Variants in KCNK5 observed in about 807,000 individuals in gnomAD.
KCNK5 encodes the protein potassium channel subfamily K member 5.
A neutral mutation model predicts 32.9 loss-of-function variants in KCNK5; 18 were observed. The observed-to-expected ratio is 0.55, with a 90% CI of 0.38 to 0.81. The LOEUF (loss-of-function observed/expected upper bound fraction) is 0.81. Ranked by LOEUF, KCNK5 falls within the 30% of genes least tolerant of loss-of-function variation. The pLI, the probability that KCNK5 is intolerant of heterozygous loss-of-function variation, is 0.00. For synonymous variants in KCNK5, 276 were observed against 275.3 expected (o/e 1.00, Z -0.03); for missense variants, 507 against 651.0 (o/e 0.78, Z 2.41).
At chr6:39,202,430 C>T (rs569961679) in intron 1 of KCNK5, among the ~76,000 whole-genome samples, 2 of 152,146 alleles carry the variant, frequency 1.3e-5, no homozygotes, top group South Asian at 4.2e-4. Context: ...GTGGGGATCA[C>T]CAGGTTGAGA....
chr6:39,205,031 G>C (rs1420513390), intron 1 of KCNK5, among the ~76,000 whole-genome samples: 1 of 152,244 alleles, frequency 6.6e-6, no homozygotes, highest in Non-Finnish European at 1.5e-5. Flanking sequence ...TCTCAGGCTG[G>C]GACGGTAATC....
rs200810816 is a variant in KCNK5, at chr6:39,194,732, G to T, written c.327C>A (p.Pro109=). Residue 109 remains proline (P), a synonymous_variant, in exon 3 of 5, where the codon CCC becomes CCA. Transcript: ENST00000359534. This position sits in a 1 kb window ranked among gnomAD's most constrained non-coding sequence, Gnocchi z 4.7. ...IGYGNVAPKT[P]AGRLFCVFYG... is the part of the protein sequence containing the mutation. ...AGAAAACACAGAAGAGGCGACCGGCGGGGGTCTTGGGAGCCACATTGCCAT... is the reference window on the plus strand; with the variant it reads ...AGAAAACACAGAAGAGGCGACCGGCTGGGGTCTTGGGAGCCACATTGCCAT... 6.2e-7 allele frequency: 1 copy of T among 1,614,054 alleles called. No individual in the cohort carries two copies. Among genetic ancestry groups the T allele is most frequent in the Non-Finnish European group, 8.5e-7 (1 of 1,179,996 alleles).
chr6:39,226,600 AAC>A (rs1771675354), intron 1 of KCNK5, among the ~76,000 whole-genome samples: 1 of 152,112 alleles, frequency 6.6e-6, no homozygotes, highest in Non-Finnish European at 1.5e-5. Context: ...AACCAGCTAA[AAC>A]ACAGAGCGTC....
intron 4 of KCNK5, among the ~76,000 whole-genome samples, chr6:39,192,816 C>T (rs966747967): frequency 1.3e-5 from 2 of 152,130 alleles, no homozygotes; most frequent in African/African-American, 2.4e-5. Context: ...GCATGTTGAC[C>T]TGTATTCCAT....
At chr6:39,213,369 T>G (rs1771374450) in intron 1 of KCNK5, among the ~76,000 whole-genome samples, 1 of 152,240 alleles carries the variant, frequency 6.6e-6, no homozygotes, top group African/African-American at 2.4e-5. Context: ...CTTCTGTTTT[T>G]AAATTGAGTT....
Position 39,194,218 on chromosome 6 carries a change from G to C in KCNK5, c.585C>G (p.Tyr195Ter). ...TEGWNYIEGL[Y>*]YSFITISTIG... ...TGGTGGAGATGGTGATGAAGGAGTA[G>C]TAGAGGCCCTCGATGTAGTTCCACC... The change falls in exon 4 of 5, where the codon TAC becomes TAG. Residue 195 changes from tyrosine (Y) to a stop codon, truncating the protein, a stop_gained. Coordinates refer to ENST00000359534, the MANE Select transcript of KCNK5 (RefSeq NM_003740.4). LOFTEE classifies it high-confidence loss of function. The surrounding 1 kb of genome is among the most constrained non-coding windows in gnomAD (Gnocchi z 4.7). 1.2e-6 allele frequency: 2 copies of C among 1,614,154 alleles called. No individual in the cohort carries two copies. The highest frequency in any genetic ancestry group is 1.7e-6 in the Non-Finnish European group (2 of 1,180,016).
intron 1 of KCNK5, among the ~76,000 whole-genome samples, chr6:39,216,142 G>A (rs1771431600): frequency 6.6e-6 from 1 of 152,146 alleles, no homozygotes; most frequent in Admixed American, 6.5e-5. Context: ...AAAATTTGCA[G>A]GGTGTGGTGG....
intron 1 of KCNK5, among the ~76,000 whole-genome samples, chr6:39,228,566 G>C (rs1353682323): frequency 6.6e-6 from 1 of 152,164 alleles, no homozygotes; most frequent in Non-Finnish European, 1.5e-5. Flanking sequence ...CCAGACTCCG[G>C]GAGCGTCTCC....
Position 39,229,288 on chromosome 6 carries a change from C to A in KCNK5, c.-177G>T. On this transcript the variant is annotated 5_prime_UTR_variant, in exon 1 of 5. Transcript: ENST00000359534. ...GACAGAGTTGCTTGGCCAAGTTGGC[C>A]CACGGAGTGCGGGGAGCTGCGTGGG... The A allele has an allele frequency of 1.4e-6, 1 of 727,696 alleles. No homozygotes were observed. Among genetic ancestry groups the A allele is most frequent in the Non-Finnish European group, 2.2e-6 (1 of 454,872 alleles). 45.1% of individuals were successfully genotyped at this position (727,696 alleles called of 1,614,324 possible). A position where few individuals can be genotyped will look rare whatever the true frequency, so the allele number is the denominator to read the frequency against.
chr6:39,208,494 C>A (rs1312564315), intron 1 of KCNK5, among the ~76,000 whole-genome samples: 1 of 152,226 alleles, frequency 6.6e-6, no homozygotes, highest in East Asian at 1.9e-4. Context: ...CGAAATCCTT[C>A]CTTATTGTCT....
intron 1 of KCNK5, among the ~76,000 whole-genome samples, chr6:39,221,253 C>T (rs1286072846): frequency 6.6e-6 from 1 of 152,124 alleles, no homozygotes; most frequent in African/African-American, 2.4e-5. Context: ...GTGGCTCCCA[C>T]AGCCTGTGGC....
In KCNK5 at chr6:39,229,096, G is replaced by A. The variant is rs1274880942; in HGVS notation, c.16C>T (p.Pro6Ser). Residue 6 changes from proline to serine, a missense_variant, in exon 1 of 5, where the codon CCT becomes TCT. By Grantham distance (74) the Pro-to-Ser change is moderately conservative (BLOSUM62 -1). Transcript: ENST00000359534. ...AAGATGATGGCCGAGGTGAGCAGAG[G>A]GCCCCGGTCCACCATGGCTCCCGAG... MVDRG[P>S]LLTSAIIFYL... The A allele has an allele frequency of 1.2e-6, 2 of 1,614,130 alleles. No individual in the cohort carries two copies. Among genetic ancestry groups the A allele is most frequent in the South Asian group, 1.1e-5 (1 of 91,086 alleles).
In KCNK5 at chr6:39,189,974, C is replaced by G. The variant is rs1199126672; in HGVS notation, c.*916G>C. On this transcript the variant is annotated 3_prime_UTR_variant, in exon 5 of 5. Coordinates refer to ENST00000359534, the MANE Select transcript of KCNK5 (RefSeq NM_003740.4). ...GACAGCAGGATTGGGAGTGCAGGTC[C>G]TGGGGCCAGCGGGCAGGGTGTGCAG... The G allele has an allele frequency of 6.5e-6, 1 of 152,708 alleles. No individual in the cohort carries two copies. Among genetic ancestry groups the G allele is most frequent in the Non-Finnish European group, 1.5e-5 (1 of 68,396 alleles). The allele number at this position is 152,708 out of a possible 1,614,324, so 9.5% of individuals were successfully genotyped here.
rs774856641 is a variant in KCNK5 at position 39,228,951 on chromosome 6, T to C, written c.161A>G (p.Gln54Arg). 2 of 1,614,048 alleles carry C rather than the reference T, an allele frequency of 1.2e-6. No individual in the cohort carries two copies. Among genetic ancestry groups the C allele is most frequent in the African/African-American group, 2.7e-5 (2 of 74,930 alleles). ...HLLKEFPCLGQEGLDKILEVV... is the reference protein window; with the variant it reads ...HLLKEFPCLGREGLDKILEVV... ...CTCTAGGATCTTGTCCAGGCCCTCC[T>C]GACCCAGGCACGGGAACTCCTTGAG... Residue 54 changes from glutamine to arginine, a missense_variant, in exon 1 of 5, where the codon CAG (glutamine) becomes CGG (arginine). By Grantham distance (43) the Gln-to-Arg change is conservative. This residue lies in a region of KCNK5 where 143 missense variants were observed against 219.1 expected (regional missense o/e 0.65). Coordinates refer to ENST00000359534, the MANE Select transcript of KCNK5 (RefSeq NM_003740.4).
chr6:39,205,237 C>T lies in KCNK5; in HGVS notation c.187-9250G>A, dbSNP rs529813942. Among the ~76,000 whole-genome samples the T allele has an allele frequency of 1.4e-3, 212 of 152,260 alleles. No individual in the cohort carries two copies. The South Asian group carries it at 0.018, about 13-fold the overall frequency. On this transcript the variant is annotated intron_variant, in intron 1 of 4. Coordinates refer to ENST00000359534, the MANE Select transcript of KCNK5 (RefSeq NM_003740.4). ...GTGACTGACACTGGAAATCCCTGTG[C>T]GGGCAGACACAGGGGACCTCGAGGG...
At chr6:39,221,183 C>A (rs1447638813) in intron 1 of KCNK5, among the ~76,000 whole-genome samples, 1 of 152,186 alleles carries the variant, frequency 6.6e-6, no homozygotes, top group Non-Finnish European at 1.5e-5. Context: ...TGAGGTCGAG[C>A]TGATCACAGA....
chr6:39,212,983 C>T (rs751149355), intron 1 of KCNK5, among the ~76,000 whole-genome samples: 5 of 152,286 alleles, frequency 3.3e-5, no homozygotes, highest in East Asian at 1.9e-4. Context: ...ATACAGTCCC[C>T]GGGAACCAAT....
Position 39,190,841 on chromosome 6 carries a change from G to C in KCNK5, c.*49C>G, listed in dbSNP as rs1250492067. On this transcript the variant is annotated 3_prime_UTR_variant, in exon 5 of 5. Coordinates refer to ENST00000359534, the MANE Select transcript of KCNK5 (RefSeq NM_003740.4). ...CCCGGTCATCTCGGGACACCCTAGG[G>C]TGAGGGGGGAAGAGGCCATCAAAGG... is the stretch of plus-strand genomic sequence containing the variant. The C allele has an allele frequency of 1.2e-5, 18 of 1,443,452 alleles. No homozygotes were observed. The highest frequency in any genetic ancestry group is 1.6e-5 in the Non-Finnish European group (17 of 1,095,906). The allele number at this position is 1,443,452 out of a possible 1,614,324, so 89.4% of individuals were successfully genotyped here.
At position 39,203,934 on chromosome 6, in the gene KCNK5, G is replaced by A. The variant is rs149691866; in HGVS notation, c.187-7947C>T. ...TATTTTCCTCACTGCCTCTCCCCCC[G>A]GGTCAGGTGACCAGGGTGTGGCTCG... On this transcript the variant is annotated intron_variant, in intron 1 of 4. Coordinates refer to ENST00000359534, the MANE Select transcript of KCNK5 (RefSeq NM_003740.4). Among the ~76,000 whole-genome samples, 71 of 152,316 alleles carry A rather than the reference G, an allele frequency of 4.7e-4. 2 individuals carry two copies. Among genetic ancestry groups the A allele is most frequent in the Middle Eastern group, 3.4e-3 (1 of 294 alleles).
Sources: gnomAD v4.1 joint callset for allele counts (sites outside exome capture counted in the v4.1 genomes callset) on GRCh38, gnomAD v4.1.1 for gene constraint, gnomAD v4.1.1 regional missense constraint, Gnocchi (gnomAD v3.1) non-coding constraint, MANE v1.5 for transcripts, NCBI Gene and HGNC (gene_info 2026-07-23, HGNC 2026-07-21) for gene names.